Variants in CEP112 observed in about 807,000 individuals in gnomAD.
CEP112 encodes centrosomal protein 112, also known as centrosomal protein of 112 kDa.
A neutral mutation model predicts 153.0 loss-of-function variants in CEP112; 127 were observed. The ratio of observed to expected loss-of-function variants is 0.83; its 90% CI spans 0.72 to 0.96. CEP112 has a LOEUF of 0.96. CEP112 is among the 40% of genes least tolerant of loss of function. CEP112 has a pLI of 0.00. For synonymous variants in CEP112, 358 were observed against 374.4 expected, an observed-to-expected ratio of 0.96 and a Z score of 0.51; for missense variants, 1,089 against 1,101.2, an observed-to-expected ratio of 0.99 and a Z score of 0.16.
intron 20 of CEP112, among the ~76,000 whole-genome samples, chr17:65,892,479 T>C (rs2059501245): frequency 6.6e-6 from 1 of 152,168 alleles, no homozygotes; most frequent in Admixed American, 6.6e-5. Context: ...CTGAATTGAA[T>C]AATGTTTTTA....
intron 11 of CEP112, among the ~76,000 whole-genome samples, chr17:66,061,453 A>G (rs1056457127): frequency 2.9e-4 from 44 of 152,078 alleles, no homozygotes; most frequent in African/African-American, 9.4e-4. Context: ...AATAAAATCA[A>G]TATGTCAGAG....
At chr17:65,688,702 T>C (rs1466697651) in intron 24 of CEP112, 1 of 156,044 alleles carries the variant, frequency 6.4e-6, no homozygotes, top group African/African-American at 2.4e-5. Context: ...ATTTTTTATG[T>C]GAACCATGGG....
At position 65,914,149 on chromosome 17, in the gene CEP112, T is replaced by C. The variant is rs565763789; in HGVS notation, c.1981-11815A>G. 8.6e-5 allele frequency among the ~76,000 whole-genome samples: 13 copies of C among 151,916 alleles called. No homozygotes were observed. The East Asian group carries it at 2.3e-3, about 27-fold the overall frequency. On this transcript the variant is annotated intron_variant, in intron 19 of 26. Transcript: ENST00000535342. ...ACTAAATTAATGAACTCCATATAGA[T>C]GGAGTTCAAAATTTTTAGAAAAAAA...
intron 23 of CEP112, among the ~76,000 whole-genome samples, chr17:65,737,271 A>T (rs1340187424): frequency 6.6e-6 from 1 of 152,226 alleles, no homozygotes; most frequent in Non-Finnish European, 1.5e-5. Flanking sequence ...TCAAGGAAAG[A>T]AATGTAATTC....
intron 20 of CEP112, among the ~76,000 whole-genome samples, chr17:65,897,771 A>G (rs2143413555): frequency 6.6e-6 from 1 of 152,256 alleles, no homozygotes; most frequent in Middle Eastern, 3.4e-3. Context: ...ACATTTTATG[A>G]AAGTACTAAA....
At chr17:66,102,541 T>C (rs1226091579) in intron 6 of CEP112, among the ~76,000 whole-genome samples, 2 of 152,086 alleles carry the variant, frequency 1.3e-5, no homozygotes, top group Non-Finnish European at 2.9e-5. Context: ...CTCACGCCTG[T>C]AATCCCAGAA....
chr17:66,037,141 CCATAAAATGTCTCCTAAAT>C (rs2145795705), intron 12 of CEP112, among the ~76,000 whole-genome samples: 1 of 152,116 alleles, frequency 6.6e-6, no homozygotes, highest in East Asian at 1.9e-4. Flanking sequence ...TAATCTGTTA[CCATAAAATGTCTCCTAAAT>C]ATGTGTGGAA....
At chr17:65,992,792 A>G (rs549605044) in intron 17 of CEP112, among the ~76,000 whole-genome samples, 12 of 152,196 alleles carry the variant, frequency 7.9e-5, no homozygotes, top group Non-Finnish European at 1.3e-4. Context: ...CTAAATTCAG[A>G]TTTATACTAT....
At chr17:65,906,176 C>G (rs2060071826) in intron 19 of CEP112, among the ~76,000 whole-genome samples, 1 of 148,582 alleles carries the variant, frequency 6.7e-6, no homozygotes, top group Admixed American at 6.8e-5. Context: ...AACAGAAAAC[C>G]AAACACCCCA....
chr17:66,052,055 T>C (rs2066464864), intron 12 of CEP112, among the ~76,000 whole-genome samples: 1 of 152,206 alleles, frequency 6.6e-6, no homozygotes, highest in Non-Finnish European at 1.5e-5. Context: ...ATAGGGTATT[T>C]CATGTAATTT....
chr17:65,820,288 C>T (rs2056466631), intron 21 of CEP112, among the ~76,000 whole-genome samples: 2 of 151,924 alleles, frequency 1.3e-5, no homozygotes, highest in South Asian at 2.1e-4. Context: ...ATAAAAGATC[C>T]CGCTTCCTAC....
chr17:66,156,872 A>T (rs2071465166), intron 4 of CEP112, among the ~76,000 whole-genome samples: 1 of 152,184 alleles, frequency 6.6e-6, no homozygotes, highest in African/African-American at 2.4e-5. Flanking sequence ...GAAATATGGG[A>T]CTATGTGAAA....
chr17:65,649,244 G>A (rs1487983864), intron 24 of CEP112, among the ~76,000 whole-genome samples: 4 of 152,128 alleles, frequency 2.6e-5, no homozygotes. Context: ...GGCCTCAAAT[G>A]CAAGTTATTT....
At chr17:66,029,765 C>T in intron 13 of CEP112, 104 bp downstream of exon 13, 1 of 959,636 alleles carries the variant, frequency 1.0e-6, no homozygotes, top group Non-Finnish European at 1.5e-6. Context: ...AGAAACTTCC[C>T]AAGGCTAAAC....
chr17:65,886,163 A>G (rs1378511709), intron 20 of CEP112, among the ~76,000 whole-genome samples: 1 of 152,212 alleles, frequency 6.6e-6, no homozygotes, highest in African/African-American at 2.4e-5. Flanking sequence ...AAAGGACAGC[A>G]TCATTTAAAC....
rs988638185 is a variant in CEP112, at chr17:65,718,279, G to C, written c.2607+24789C>G. On this transcript the variant is annotated intron_variant, in intron 23 of 26. Transcript: ENST00000535342. ...AAAATCTAGCTGGGTGTGGTGGTGG[G>C]CGCCTGTAATCCCAACTACTCAGGA... 3.3e-5 allele frequency among the ~76,000 whole-genome samples: 5 copies of C among 151,766 alleles called. No homozygotes were observed. In the East Asian group the frequency reaches 9.7e-4, roughly 29 times the overall value.
chr17:65,987,221 G>A (rs938670932), intron 17 of CEP112, among the ~76,000 whole-genome samples: 8 of 152,058 alleles, frequency 5.3e-5, no homozygotes, highest in African/African-American at 1.9e-4. Flanking sequence ...AAAGAGAACA[G>A]AATAATATTT....
rs897859438 is a variant in CEP112 at position 66,135,485 on chromosome 17, C to T, written c.471-2722G>A. Among the ~76,000 whole-genome samples the T allele has an allele frequency of 2.0e-4, 30 of 152,092 alleles. 1 individual carries two copies. The highest frequency in any genetic ancestry group is 7.2e-4 in the African/African-American group (30 of 41,426). On this transcript the variant is annotated intron_variant, in intron 4 of 26. Transcript: ENST00000535342. The stretch of plus-strand genomic sequence containing the variant: ...CCACACGCCACACAGAATAGCAAGT[C>T]CTGGTGCTTATAAGCACAACCTACA...
chr17:65,931,051 G>A (rs1005269062), intron 18 of CEP112, among the ~76,000 whole-genome samples: 1 of 152,102 alleles, frequency 6.6e-6, no homozygotes, highest in Admixed American at 6.5e-5. Context: ...GCTTTGTTTA[G>A]TAATGCAGAT....
Sources: allele counts gnomAD v4.1 joint callset (sites outside exome capture counted in the v4.1 genomes callset), GRCh38; gene constraint gnomAD v4.1.1; transcripts MANE v1.5; gene names NCBI Gene and HGNC (gene_info 2026-07-23, HGNC 2026-07-21).